Variants in TMEM117 observed in about 807,000 individuals in gnomAD.
The protein encoded by TMEM117 is transmembrane protein 117.
TMEM117 carries 27 observed loss-of-function variants against 52.4 expected under a neutral mutation model. The observed-to-expected ratio is 0.51, with a 90% CI of 0.38 to 0.71. The LOEUF (loss-of-function observed/expected upper bound fraction) is 0.71, where lower values mean the gene tolerates loss of function less well. Ranked by LOEUF, TMEM117 falls within the 30% of genes least tolerant of loss-of-function variation. The probability of loss-of-function intolerance (pLI) is 0.00; values close to 1 mark genes in which losing one functional copy is unlikely to be tolerated. For synonymous variants in TMEM117, 215 were observed against 206.3 expected, an observed-to-expected ratio of 1.04 and a Z score of -0.36; for missense variants, 556 against 630.5, an observed-to-expected ratio of 0.88 and a Z score of 1.26.
chr12:44,331,985 G>A (rs1021282907), intron 6 of TMEM117, among the ~76,000 whole-genome samples: 1 of 152,028 alleles, frequency 6.6e-6, no homozygotes, highest in Non-Finnish European at 1.5e-5. Context: ...TTAATAATGT[G>A]TGAATGCCTA....
chr12:44,322,433 G>A (rs1352700198), intron 6 of TMEM117, among the ~76,000 whole-genome samples: 2 of 151,964 alleles, frequency 1.3e-5, no homozygotes, highest in East Asian at 1.9e-4. Flanking sequence ...GCTTCATTTC[G>A]CTACTAAAAG....
intron 6 of TMEM117, among the ~76,000 whole-genome samples, chr12:44,364,717 T>G (rs867669363): frequency 2.6e-5 from 4 of 152,094 alleles, no homozygotes; most frequent in Non-Finnish European, 4.4e-5. Context: ...TAAAATAGTT[T>G]GTTAGGTTTC....
At chr12:43,833,886 A>T (rs1031252681), upstream of TMEM117, among the ~76,000 whole-genome samples, 4 of 152,170 alleles carry the variant, frequency 2.6e-5, no homozygotes, top group African/African-American at 7.2e-5. Flanking sequence ...TGAGCTCAGG[A>T]GTTTGAGACC....
intron 5 of TMEM117, among the ~76,000 whole-genome samples, chr12:44,248,164 G>A (rs1409904681): frequency 6.6e-6 from 1 of 152,098 alleles, no homozygotes; most frequent in Non-Finnish European, 1.5e-5. Flanking sequence ...CAAACCCTGA[G>A]CAACTAGACC....
At chr12:43,914,459 G>A (rs982286403) in intron 2 of TMEM117, among the ~76,000 whole-genome samples, 2 of 152,058 alleles carry the variant, frequency 1.3e-5, no homozygotes, top group South Asian at 4.1e-4. Context: ...ACAAATATTC[G>A]TGGTGCCCCT....
chr12:44,327,655 C>T (rs186679537), intron 6 of TMEM117, among the ~76,000 whole-genome samples: 80 of 152,226 alleles, frequency 5.3e-4, no homozygotes, highest in Admixed American at 1.3e-3. Context: ...TGGCCATTAA[C>T]GGATAGTTTT....
intron 2 of TMEM117, among the ~76,000 whole-genome samples, chr12:43,890,227 AAAAT>A (rs1944077710): frequency 6.6e-6 from 1 of 152,338 alleles, no homozygotes; most frequent in South Asian, 2.1e-4. Context: ...AAGCAGTTAT[AAAAT>A]AAATAGAAAT....
chr12:44,155,077 C>T (rs1260214545), intron 4 of TMEM117, among the ~76,000 whole-genome samples: 2 of 152,026 alleles, frequency 1.3e-5, no homozygotes, highest in East Asian at 3.8e-4. Flanking sequence ...TCTCTTTCCT[C>T]CATTCAGCCA....
At position 44,140,917 on chromosome 12, in the gene TMEM117, C is replaced by T. The variant is rs1948561886; in HGVS notation, c.411-2608C>T. Reference sequence around the variant, plus strand: ...CCTGTACAAGTTCAGAAAGGTTTGGCAAGTGTCTTGAAAGGCAACCAGCTG... The same window carrying T: ...CCTGTACAAGTTCAGAAAGGTTTGGTAAGTGTCTTGAAAGGCAACCAGCTG... On this transcript the variant is annotated intron_variant, in intron 3 of 7. Transcript: ENST00000266534. Among the ~76,000 whole-genome samples the T allele has an allele frequency of 1.3e-5, 2 of 152,074 alleles. 1 individual carries two copies. Among genetic ancestry groups the T allele is most frequent in the South Asian group, 4.1e-4 (2 of 4,822 alleles).
At chr12:43,908,954 C>T (rs1944442130) in intron 2 of TMEM117, among the ~76,000 whole-genome samples, 1 of 136,812 alleles carries the variant, frequency 7.3e-6, no homozygotes, top group Admixed American at 7.8e-5. Context: ...AGAAAGTCAA[C>T]AAGGATACCC....
At chr12:44,276,335 A>G (rs570068667) in intron 5 of TMEM117, among the ~76,000 whole-genome samples, 2 of 152,326 alleles carry the variant, frequency 1.3e-5, no homozygotes, top group East Asian at 3.9e-4. Context: ...AAATCCTATC[A>G]TTTGCAACAA....
intron 5 of TMEM117, among the ~76,000 whole-genome samples, 157 bp from the exon 6 acceptor site, chr12:44,299,423 A>T (rs1352096867): frequency 2.0e-5 from 3 of 152,196 alleles, no homozygotes; most frequent in Non-Finnish European, 4.4e-5. Context: ...ATGAGCCACC[A>T]TGCCCGGCCA....
chr12:44,195,199 A>G (rs988413491), intron 4 of TMEM117, among the ~76,000 whole-genome samples: 13 of 152,150 alleles, frequency 8.5e-5, no homozygotes, highest in Non-Finnish European at 1.5e-4. Flanking sequence ...CCTGATTCCC[A>G]GCTCATTCAG....
chr12:44,043,926 A>T (rs1346006534), intron 3 of TMEM117, among the ~76,000 whole-genome samples: 1 of 152,154 alleles, frequency 6.6e-6, no homozygotes, highest in Non-Finnish European at 1.5e-5. Flanking sequence ...CTCTGCATTT[A>T]GTGTTGCAGC....
At chr12:43,887,617 C>T (rs928936159) in intron 2 of TMEM117, among the ~76,000 whole-genome samples, 10 of 152,272 alleles carry the variant, frequency 6.6e-5, no homozygotes, top group African/African-American at 2.2e-4. Context: ...TGCAGAAGAC[C>T]GCCAGCACCC....
intron 4 of TMEM117, among the ~76,000 whole-genome samples, chr12:44,195,943 G>T (rs1038181213): frequency 1.3e-5 from 2 of 149,416 alleles, no homozygotes; most frequent in East Asian, 3.9e-4. Context: ...TAAATAACTG[G>T]GCATGGTGAC....
chr12:44,235,316 G>A (rs529173241), intron 5 of TMEM117, among the ~76,000 whole-genome samples: 6 of 150,046 alleles, frequency 4.0e-5, no homozygotes, highest in South Asian at 2.1e-4. Context: ...GGATATTTAC[G>A]TTTTAAATGT....
intron 3 of TMEM117, among the ~76,000 whole-genome samples, chr12:44,070,808 A>G (rs1344729754): frequency 6.6e-6 from 1 of 152,178 alleles, no homozygotes; most frequent in Non-Finnish European, 1.5e-5. Context: ...CCTCCAGTAA[A>G]TGAGAGAAGC....
chr12:43,797,682 C>G, the TMEM117 span: 1 of 1,606,084 alleles, frequency 6.2e-7, no homozygotes, highest in Non-Finnish European at 8.5e-7. Flanking sequence ...AGAGCAGCCA[C>G]TTAATAATCA....
Sources: gnomAD v4.1 joint callset for allele counts (sites outside exome capture counted in the v4.1 genomes callset) on GRCh38, gnomAD v4.1.1 for gene constraint, MANE v1.5 for transcripts, NCBI Gene and HGNC (gene_info 2026-07-23, HGNC 2026-07-21) for gene names.